The following BHMT variants were observed in gnomAD, a reference collection of about 807,000 sequenced individuals.
BHMT encodes the protein betaine--homocysteine S-methyltransferase 1.
A neutral mutation model predicts 49.5 loss-of-function variants in BHMT; 38 were observed. The observed-to-expected ratio is 0.77, with a 90% CI of 0.59 to 1.01. The LOEUF (loss-of-function observed/expected upper bound fraction) is 1.01. Ranked by LOEUF, BHMT falls within the 50% of genes least tolerant of loss-of-function variation. The pLI is 0.00. For missense variants in BHMT, 426 were observed against 495.7 expected, an observed-to-expected ratio of 0.86 and a Z score of 1.34; for synonymous variants, 166 against 176.3, an observed-to-expected ratio of 0.94 and a Z score of 0.46.
intron 5 of BHMT, among the ~76,000 whole-genome samples, chr5:79,124,765 G>T (rs1298251185): frequency 2.0e-5 from 3 of 152,314 alleles, no homozygotes; most frequent in African/African-American, 7.2e-5. Flanking sequence ...CCATATAGTT[G>T]TGAGTCTGGG....
In BHMT at chr5:79,130,938, G is replaced by C. The variant is rs777789050; in HGVS notation, c.1043G>C (p.Arg348Thr). 2.0e-5 allele frequency: 32 copies of C among 1,611,744 alleles called. No homozygotes were observed. In the East Asian group the frequency reaches 7.1e-4, roughly 36 times the overall value. The change falls in exon 8 of 8, where the codon AGG (arginine) becomes ACG (threonine). Residue 348 changes from arginine (R) to threonine (T), a missense_variant. Arg to Thr is a moderately conservative substitution (Grantham distance 71, BLOSUM62 -1). Coordinates refer to ENST00000274353, the MANE Select transcript of BHMT (RefSeq NM_001713.3). The stretch of plus-strand genomic sequence containing the variant: ...CATGTGTTTTGTTCACACAGGGCCA[G>C]GAAGGAATACTGGGAGAATCTTCGG... ...HTKPWVRARA[R>T]KEYWENLRIA...
At chr5:79,125,112 T>C (rs1025854088) in intron 5 of BHMT, among the ~76,000 whole-genome samples, 1 of 152,150 alleles carries the variant, frequency 6.6e-6, no homozygotes, top group Non-Finnish European at 1.5e-5. Flanking sequence ...CGTTGAAAGT[T>C]TGACTACTAA....
Position 79,131,247 on chromosome 5 carries a change from A to G in BHMT, c.*131A>G. The G allele has an allele frequency of 1.2e-6, 1 of 857,652 alleles. No individual in the cohort carries two copies. Among genetic ancestry groups the G allele is most frequent in the Non-Finnish European group, 1.7e-6 (1 of 584,210 alleles). The allele number at this position is 857,652 out of a possible 1,614,324, so 53.1% of individuals were successfully genotyped here. A position where few individuals can be genotyped will look rare whatever the true frequency, so the allele number is the denominator to read the frequency against. ...CACATATTATTGCTATTACCTGAAC[A>G]AAATAGAATTACAAATAGCACTTGA... On this transcript the variant is annotated 3_prime_UTR_variant, in exon 8 of 8. Transcript: ENST00000274353.
At chr5:79,123,976 A>G (rs2112729545) in intron 5 of BHMT, among the ~76,000 whole-genome samples, 1 of 152,328 alleles carries the variant, frequency 6.6e-6, no homozygotes, top group East Asian at 1.9e-4. Context: ...TGAAGTTCTC[A>G]AACATGCCAT....
chr5:79,121,541 G>A lies in BHMT; in HGVS notation c.625+176G>A, dbSNP rs138414724. 2.2e-3 allele frequency among the ~76,000 whole-genome samples: 341 copies of A among 152,182 alleles called. 4 individuals carry two copies. The highest frequency in any genetic ancestry group is 7.6e-3 in the African/African-American group (317 of 41,512). Reference sequence around the variant, plus strand: ...GGAAAAGTTTTAAAAATGGCTGGGCGCGGTGGCTGACGCCTGTAATCCCAG... The same window carrying A: ...GGAAAAGTTTTAAAAATGGCTGGGCACGGTGGCTGACGCCTGTAATCCCAG... On this transcript the variant is annotated intron_variant, in intron 5 of 7. Transcript: ENST00000274353.
At position 79,131,031 on chromosome 5, in the gene BHMT, C is replaced by G. The variant is rs143135149; in HGVS notation, c.1136C>G (p.Thr379Arg). Residue 379 changes from threonine to arginine, a missense_variant, in exon 8 of 8, where the codon ACA (threonine) becomes AGA (arginine). Around this residue, in one of 3 missense-constraint regions of BHMT, gnomAD observed 73 missense variants for 68.3 expected, o/e 1.07. Transcript: ENST00000274353. ...KPDGWGVTKG[T>R]AELMQQKEAT... ...GATGGCTGGGGAGTGACCAAAGGAA[C>G]AGCCGAGCTGATGCAGCAGAAAGAA... is the stretch of plus-strand genomic sequence containing the variant. The G allele has an allele frequency of 5.6e-6, 9 of 1,613,828 alleles. No individual in the cohort carries two copies. Among genetic ancestry groups the G allele is most frequent in the African/African-American group, 1.3e-5 (1 of 74,886 alleles).
chr5:79,118,498 A>C (rs567520432), intron 2 of BHMT, among the ~76,000 whole-genome samples: 1 of 152,170 alleles, frequency 6.6e-6, no homozygotes, highest in South Asian at 2.1e-4. Context: ...ACAAACAAAC[A>C]AACTTTGCCA....
In BHMT at chr5:79,130,969, C is replaced by T. The variant is rs1561256998; in HGVS notation, c.1074C>T (p.Ala358=). 6.2e-7 allele frequency: 1 copy of T among 1,613,776 alleles called. No homozygotes were observed. Among genetic ancestry groups the T allele is most frequent in the Non-Finnish European group, 8.5e-7 (1 of 1,179,894 alleles). The change falls in exon 8 of 8, where the codon GCC becomes GCT. Residue 358 remains alanine, a synonymous_variant. Coordinates refer to ENST00000274353, the MANE Select transcript of BHMT (RefSeq NM_001713.3). ...AATACTGGGAGAATCTTCGGATAGC[C>T]TCAGGCCGGCCATACAACCCTTCAA... ...RKEYWENLRI[A]SGRPYNPSMS...
chr5:79,115,699 G>C, intron 1 of BHMT, 68 bp from the exon 2 acceptor site: 1 of 1,446,280 alleles, frequency 6.9e-7, no homozygotes, highest in Non-Finnish European at 9.2e-7. Flanking sequence ...GTTAGCAAAA[G>C]TAATAAAAAT....
chr5:79,120,684 C>T (rs953583219), intron 4 of BHMT, 143 bp downstream of exon 4: 1 of 778,226 alleles, frequency 1.3e-6, no homozygotes, highest in African/African-American at 1.8e-5. Flanking sequence ...TTTTCCAATT[C>T]AGGGCTACTA....
At chr5:79,124,224 A>G (rs1580273065) in intron 5 of BHMT, among the ~76,000 whole-genome samples, 1 of 152,242 alleles carries the variant, frequency 6.6e-6, no homozygotes, top group East Asian at 1.9e-4. Context: ...TGGTTGCACA[A>G]CATTGTGAAT....
At chr5:79,116,399 T>G (rs888591041) in intron 2 of BHMT, 12 of 152,406 alleles carry the variant, frequency 7.9e-5, no homozygotes, top group African/African-American at 2.7e-4. Flanking sequence ...AATCTGGGGA[T>G]GTTAGAAAGT....
intron 5 of BHMT, among the ~76,000 whole-genome samples, chr5:79,124,402 T>C (rs1216799953): frequency 6.6e-6 from 1 of 151,894 alleles, no homozygotes; most frequent in East Asian, 1.9e-4. Context: ...ATAAAATTTT[T>C]TAAAAAGGTT....
intron 2 of BHMT, among the ~76,000 whole-genome samples, 168 bp from the exon 3 acceptor site, chr5:79,119,091 G>C (rs895887570): frequency 3.9e-5 from 6 of 152,154 alleles, no homozygotes; most frequent in Non-Finnish European, 2.9e-5. Context: ...AGGTTCACAG[G>C]AGTTTCCAAG....
intron 5 of BHMT, among the ~76,000 whole-genome samples, chr5:79,123,263 AG>A (rs1285434659): frequency 6.6e-6 from 1 of 152,130 alleles, no homozygotes; most frequent in Non-Finnish European, 1.5e-5. Context: ...AGAGGAATGA[AG>A]GGGAGTGAGG....
At chr5:79,122,958 G>C (rs1222746690) in intron 5 of BHMT, among the ~76,000 whole-genome samples, 1 of 152,146 alleles carries the variant, frequency 6.6e-6, no homozygotes, top group Non-Finnish European at 1.5e-5. Flanking sequence ...GTGCAATCTT[G>C]GAACACTCCA....
intron 6 of BHMT, 148 bp downstream of exon 6, chr5:79,126,376 C>T: frequency 1.2e-6 from 1 of 858,940 alleles, no homozygotes. Flanking sequence ...GTCCCTGCAG[C>T]CAAAAGCCCC....
intron 1 of BHMT, 125 bp from the exon 2 acceptor site, chr5:79,115,642 C>A: frequency 2.7e-6 from 3 of 1,101,072 alleles, no homozygotes; most frequent in South Asian, 2.0e-5. Flanking sequence ...ATAAAATATA[C>A]ATTTTTCTCT....
Position 79,121,330 on chromosome 5 carries a change from C to T in BHMT, c.590C>T (p.Pro197Leu), listed in dbSNP as rs748846885. The change falls in exon 5 of 8, where the codon CCC becomes CTC. Residue 197 changes from proline (P) to leucine (L), a missense_variant. Around this residue, in one of 3 missense-constraint regions of BHMT, gnomAD observed 321 missense variants for 355.9 expected, o/e 0.90. Coordinates refer to ENST00000274353, the MANE Select transcript of BHMT (RefSeq NM_001713.3). Reference sequence around the variant, plus strand: ...CCAGAAGGAGATTTGCATGGCGTGCCCCCCGGCGAGTGTGCAGTGCGCCTG... The same window carrying T: ...CCAGAAGGAGATTTGCATGGCGTGCTCCCCGGCGAGTGTGCAGTGCGCCTG... ...IGPEGDLHGV[P>L]PGECAVRLVK... 1.2e-6 allele frequency: 2 copies of T among 1,614,138 alleles called. No homozygotes were observed. Among genetic ancestry groups the T allele is most frequent in the Non-Finnish European group, 1.7e-6 (2 of 1,180,004 alleles).
Sources: gnomAD v4.1 joint callset for allele counts (sites outside exome capture counted in the v4.1 genomes callset) on GRCh38, gnomAD v4.1.1 for gene constraint, gnomAD v4.1.1 regional missense constraint, MANE v1.5 for transcripts, NCBI Gene and HGNC (gene_info 2026-07-23, HGNC 2026-07-21) for gene names.